The following GRIK1 variants were observed in gnomAD, a reference collection of about 807,000 sequenced individuals.
The protein encoded by GRIK1 is glutamate receptor ionotropic, kainate 1.
Under a neutral mutation model 105.7 loss-of-function variants are expected in GRIK1, and 69 were observed. The observed-to-expected ratio is 0.65, with a 90% confidence interval of 0.54 to 0.80. GRIK1 has a LOEUF of 0.80. Among genes scored for constraint, GRIK1 ranks in the 30% least tolerant of loss-of-function variants. GRIK1 has a pLI of 0.00. For synonymous variants in GRIK1, 438 were observed against 431.3 expected (o/e 1.02, Z -0.19); for missense variants, 1,109 against 1,167.3 (o/e 0.95, Z 0.73).
At chr21:29,648,776 C>T (rs1030335591) in intron 6 of GRIK1, among the ~76,000 whole-genome samples, 8 of 152,050 alleles carry the variant, frequency 5.3e-5, no homozygotes, top group Non-Finnish European at 1.2e-4. Context: ...GGCTACTGTA[C>T]TAGATGGTGA....
At chr21:29,764,154 A>T (rs1204498713) in intron 1 of GRIK1, among the ~76,000 whole-genome samples, 1 of 152,148 alleles carries the variant, frequency 6.6e-6, no homozygotes, top group East Asian at 1.9e-4. Flanking sequence ...AGAGGACCAC[A>T]TTGGGTGCCT....
At chr21:29,778,118 C>T (rs767256877) in intron 1 of GRIK1, among the ~76,000 whole-genome samples, 1 of 152,128 alleles carries the variant, frequency 6.6e-6, no homozygotes, top group East Asian at 1.9e-4. Context: ...TAGAACCTAG[C>T]GTGCAGTTCT....
intron 14 of GRIK1, among the ~76,000 whole-genome samples, chr21:29,563,946 G>A (rs1048631723): frequency 1.3e-5 from 2 of 152,100 alleles, no homozygotes; most frequent in African/African-American, 4.8e-5. Context: ...CTGATTTGGG[G>A]GAGGTGGATG....
intron 1 of GRIK1, among the ~76,000 whole-genome samples, chr21:29,897,227 C>T (rs975526851): frequency 6.6e-6 from 1 of 152,164 alleles, no homozygotes; most frequent in African/African-American, 2.4e-5. Flanking sequence ...CAAAACCAAG[C>T]TTAGCTAGTT....
intron 1 of GRIK1, among the ~76,000 whole-genome samples, chr21:29,746,744 A>G (rs772990555): frequency 2.6e-5 from 4 of 152,252 alleles, no homozygotes; most frequent in Non-Finnish European, 4.4e-5. Flanking sequence ...AAGAGATGAC[A>G]CACAAATATA....
intron 1 of GRIK1, among the ~76,000 whole-genome samples, chr21:29,776,291 C>T (rs1053437550): frequency 1.1e-4 from 17 of 152,188 alleles, no homozygotes; most frequent in African/African-American, 4.1e-4. Flanking sequence ...TACTTTATTA[C>T]ATACCCTCAT....
At chr21:29,852,077 T>C (rs993077445) in intron 1 of GRIK1, among the ~76,000 whole-genome samples, 1 of 151,356 alleles carries the variant, frequency 6.6e-6, no homozygotes, top group African/African-American at 2.4e-5. Flanking sequence ...TTCCCACCCC[T>C]CCATTCCCAT....
chr21:29,885,491 T>C (rs2069585863), intron 1 of GRIK1, among the ~76,000 whole-genome samples: 1 of 152,034 alleles, frequency 6.6e-6, no homozygotes, highest in Non-Finnish European at 1.5e-5. Context: ...AGGAATAGAA[T>C]TTAGCCCTTG....
chr21:29,707,620 C>T (rs953287052), intron 1 of GRIK1, among the ~76,000 whole-genome samples: 14 of 151,888 alleles, frequency 9.2e-5, no homozygotes, highest in African/African-American at 3.4e-4. Flanking sequence ...CTCAGCCTCC[C>T]GAGTAGTTGG....
At chr21:29,938,583 C>T (rs999168644) in intron 1 of GRIK1, among the ~76,000 whole-genome samples, 1 of 152,182 alleles carries the variant, frequency 6.6e-6, no homozygotes, top group Non-Finnish European at 1.5e-5. Flanking sequence ...CATCTTTGGG[C>T]TGCCCACATT....
intron 1 of GRIK1, among the ~76,000 whole-genome samples, chr21:29,927,230 CTTA>C (rs1569225136): frequency 6.6e-6 from 1 of 151,496 alleles, no homozygotes. Context: ...AAATTGGAAT[CTTA>C]TTATATAAAT....
intron 3 of GRIK1, among the ~76,000 whole-genome samples, chr21:29,674,819 C>T (rs1307254665): frequency 6.6e-6 from 1 of 152,168 alleles, no homozygotes; most frequent in Non-Finnish European, 1.5e-5. Flanking sequence ...TTCCTTATAG[C>T]TGTGTGAAAA....
At chr21:29,778,198 C>T (rs2065999246) in intron 1 of GRIK1, among the ~76,000 whole-genome samples, 1 of 152,128 alleles carries the variant, frequency 6.6e-6, no homozygotes, top group Non-Finnish European at 1.5e-5. Context: ...GATCTCTAAG[C>T]ACACAACTTT....
At chr21:29,593,933 G>T (rs1237798501) in intron 9 of GRIK1, among the ~76,000 whole-genome samples, 1 of 152,168 alleles carries the variant, frequency 6.6e-6, no homozygotes, top group Admixed American at 6.5e-5. Context: ...GATCATTGCT[G>T]CTGCCAATCC....
chr21:29,832,966 AG>A (rs35728764), intron 1 of GRIK1, among the ~76,000 whole-genome samples: 59,093 of 152,020 alleles, frequency 0.39, 12,580 homozygotes, highest in East Asian at 0.7. Flanking sequence ...AGACAAACAT[AG>A]GTTGCTAGAA....
At chr21:29,643,013 T>G in intron 6 of GRIK1, 44 bp from the exon 7 acceptor site, 1 of 1,581,184 alleles carries the variant, frequency 6.3e-7, no homozygotes, top group Non-Finnish European at 8.7e-7. Flanking sequence ...CCACTTTTGC[T>G]TACCTTCCTT....
chr21:29,830,211 A>G (rs458447), intron 1 of GRIK1, among the ~76,000 whole-genome samples: 59,009 of 151,814 alleles, frequency 0.39, 12,542 homozygotes, highest in East Asian at 0.7. Context: ...GTATGTTTGT[A>G]TGTGTGTGAG....
intron 1 of GRIK1, among the ~76,000 whole-genome samples, chr21:29,814,983 C>G (rs2067116319): frequency 6.6e-6 from 1 of 152,104 alleles, no homozygotes; most frequent in South Asian, 2.1e-4. Flanking sequence ...TGGTGATAAT[C>G]ATCACATCCA....
intron 1 of GRIK1, among the ~76,000 whole-genome samples, chr21:29,800,910 G>A (rs1601730138): frequency 6.6e-6 from 1 of 152,074 alleles, no homozygotes; most frequent in East Asian, 1.9e-4. Context: ...GATGGGAGAG[G>A]GCAAAGGGCG....
Sources: allele counts gnomAD v4.1 joint callset (sites outside exome capture counted in the v4.1 genomes callset), GRCh38; gene constraint gnomAD v4.1.1; transcripts MANE v1.5; gene names NCBI Gene and HGNC (gene_info 2026-07-23, HGNC 2026-07-21).